The following DNAH9 variants were observed in gnomAD, a reference collection of about 807,000 sequenced individuals.
DNAH9 encodes the protein DNAH9 variant protein.
DNAH9 carries 345 observed loss-of-function variants against 471.6 expected under a neutral mutation model. That is an observed-to-expected ratio of 0.73 (90% CI 0.67 to 0.80). DNAH9 has a LOEUF of 0.80. Among genes scored for constraint, DNAH9 ranks in the 30% least tolerant of loss-of-function variants. The pLI is 0.00. For missense variants in DNAH9, 5,407 were observed against 5,609.2 expected (o/e 0.96, Z 1.15); for synonymous variants, 2,093 against 2,123.6 (o/e 0.99, Z 0.40).
chr17:11,832,454 A>G lies in DNAH9; in HGVS notation c.9247-2184A>G, dbSNP rs556454785. Reference sequence around the variant, plus strand: ...TGCCGCTCAATCATTTTGATTTACAATTGCATCTTTGTCCCTGTAGAAATA... The same window carrying G: ...TGCCGCTCAATCATTTTGATTTACAGTTGCATCTTTGTCCCTGTAGAAATA... On this transcript the variant is annotated intron_variant, in intron 48 of 68. Coordinates refer to ENST00000262442, the MANE Select transcript of DNAH9 (RefSeq NM_001372.4). Among the ~76,000 whole-genome samples, 5 of 152,342 alleles carry G rather than the reference A, an allele frequency of 3.3e-5. No homozygotes were observed. In the East Asian group the frequency reaches 9.6e-4, roughly 29 times the overall value.
intron 17 of DNAH9, among the ~76,000 whole-genome samples, chr17:11,677,322 A>G (rs2074064273): frequency 6.6e-6 from 1 of 152,114 alleles, no homozygotes; most frequent in Non-Finnish European, 1.5e-5. Flanking sequence ...TTTTAAGGTT[A>G]TGTTATAGGC....
At chr17:11,748,543 G>A (rs1225157108) in intron 32 of DNAH9, among the ~76,000 whole-genome samples, 8 of 152,108 alleles carry the variant, frequency 5.3e-5, no homozygotes, top group African/African-American at 1.9e-4. Context: ...CAGTGATGGG[G>A]AAGCTGCATG....
intron 19 of DNAH9, among the ~76,000 whole-genome samples, chr17:11,682,215 T>G (rs2074144995): frequency 6.6e-6 from 1 of 152,018 alleles, no homozygotes; most frequent in Non-Finnish European, 1.5e-5. Flanking sequence ...CTTAACATAC[T>G]CATCTTACTC....
In DNAH9 at chr17:11,832,751, C is replaced by T. The variant is rs533911231; in HGVS notation, c.9247-1887C>T. Among the ~76,000 whole-genome samples, 3 of 152,294 alleles carry T rather than the reference C, an allele frequency of 2.0e-5. No homozygotes were observed. The South Asian group carries it at 6.2e-4, about 32-fold the overall frequency. ...TCATAAAGCACTGGAATCTGTTTGACGTGTTCCAGGAGCTCTGAAGTAACC... is the reference window on the plus strand; with the variant it reads ...TCATAAAGCACTGGAATCTGTTTGATGTGTTCCAGGAGCTCTGAAGTAACC... On this transcript the variant is annotated intron_variant, in intron 48 of 68. Transcript: ENST00000262442.
At chr17:11,786,347 TA>T (rs113473867) in intron 41 of DNAH9, among the ~76,000 whole-genome samples, 17 of 150,434 alleles carry the variant, frequency 1.1e-4, no homozygotes, top group Admixed American at 2.0e-4. Flanking sequence ...TCAGGGAGGT[TA>T]AAAAAAAAAT....
At chr17:11,872,089 GA>G (rs1355947586) in intron 52 of DNAH9, among the ~76,000 whole-genome samples, 1 of 152,104 alleles carries the variant, frequency 6.6e-6, no homozygotes, top group Non-Finnish European at 1.5e-5. Context: ...CTGAGAGATA[GA>G]AAAAGAACCA....
At chr17:11,776,969 A>G (rs1294116213) in intron 38 of DNAH9, among the ~76,000 whole-genome samples, 1 of 152,138 alleles carries the variant, frequency 6.6e-6, no homozygotes, top group Non-Finnish European at 1.5e-5. Flanking sequence ...TTACAACATA[A>G]TGGTCCGCCC....
chr17:11,734,631 C>T (rs1056696224), intron 28 of DNAH9, among the ~76,000 whole-genome samples: 3 of 152,202 alleles, frequency 2.0e-5, no homozygotes, highest in African/African-American at 7.2e-5. Context: ...GACCCAGGCT[C>T]ATCTGAGAGA....
At chr17:11,861,602 T>C (rs1273478530) in intron 50 of DNAH9, among the ~76,000 whole-genome samples, 2 of 150,240 alleles carry the variant, frequency 1.3e-5, no homozygotes, top group Non-Finnish European at 3.0e-5. Flanking sequence ...ATCGCCACAC[T>C]GACTTCCACA....
At chr17:11,676,275 C>CTTTTTTTTTTTTTTTTTTTTTTTTTTT (rs67397847) in intron 17 of DNAH9, among the ~76,000 whole-genome samples, 1 of 73,882 alleles carries the variant, frequency 1.4e-5, no homozygotes. Flanking sequence ...CATTTCTGTT[C>CTTTTTTTTTTTTTTTTTTTTTTTTTTT]TTTTTTTTTT....
intron 52 of DNAH9, among the ~76,000 whole-genome samples, chr17:11,874,535 G>A (rs1435388896): frequency 1.3e-5 from 2 of 152,118 alleles, no homozygotes; most frequent in African/African-American, 2.4e-5. Flanking sequence ...ACAGACAGGA[G>A]CAAACCCACT....
chr17:11,935,795 T>A (rs1335633449), intron 65 of DNAH9, among the ~76,000 whole-genome samples: 3 of 151,482 alleles, frequency 2.0e-5, no homozygotes, highest in African/African-American at 4.9e-5. Context: ...TTTAAAAAAA[T>A]TTCTTTAATT....
chr17:11,651,110 A>G lies in DNAH9; in HGVS notation c.2139A>G (p.Arg713=). ...AAGAAATGAGCTATCTTGAACCCAG[A>G]GAGATGAAACACATGCCTGAGACAG... ...VLKEMSYLEP[R]EMKHMPETAA... Residue 713 remains arginine (R), a synonymous_variant, in exon 13 of 69, where the codon AGA becomes AGG. Coordinates refer to ENST00000262442, the MANE Select transcript of DNAH9 (RefSeq NM_001372.4). 1 of 1,614,118 alleles carries G rather than the reference A, an allele frequency of 6.2e-7. No individual in the cohort carries two copies. The highest frequency in any genetic ancestry group is 1.1e-5 in the South Asian group (1 of 91,064).
chr17:11,910,356 A>G (rs1453119310), intron 61 of DNAH9, among the ~76,000 whole-genome samples: 1 of 152,218 alleles, frequency 6.6e-6, no homozygotes, highest in Admixed American at 6.5e-5. Flanking sequence ...AATATTTTCA[A>G]GGTTCAAACA....
intron 67 of DNAH9, among the ~76,000 whole-genome samples, chr17:11,957,621 C>CAAA (rs768834658): frequency 7.5e-5 from 11 of 146,462 alleles, no homozygotes; most frequent in African/African-American, 2.7e-4. Context: ...GCAGACAAAA[C>CAAA]AACAACAACA....
intron 32 of DNAH9, among the ~76,000 whole-genome samples, chr17:11,750,398 A>T (rs891958499): frequency 9.2e-5 from 14 of 152,204 alleles, no homozygotes; most frequent in Non-Finnish European, 1.8e-4. Flanking sequence ...AAATAAGTAC[A>T]TAAAGGAATT....
intron 49 of DNAH9, among the ~76,000 whole-genome samples, chr17:11,840,271 C>T (rs1421733165): frequency 6.6e-6 from 1 of 152,156 alleles, no homozygotes. Context: ...AACAGAAATA[C>T]ACTGTATGGT....
chr17:11,871,871 G>A (rs1972278433), intron 52 of DNAH9, 85 bp downstream of exon 52: 2 of 1,423,796 alleles, frequency 1.4e-6, no homozygotes, highest in Middle Eastern at 2.2e-4. Flanking sequence ...GCATCCTCTG[G>A]TGTCCTCCTG....
chr17:11,806,466 A>G (rs531228918), intron 43 of DNAH9, among the ~76,000 whole-genome samples: 16 of 152,260 alleles, frequency 1.1e-4, no homozygotes, highest in Non-Finnish European at 2.2e-4. Context: ...TACCAACACA[A>G]TGTTGGTATT....
Sources: allele counts gnomAD v4.1 joint callset (sites outside exome capture counted in the v4.1 genomes callset), GRCh38; gene constraint gnomAD v4.1.1; transcripts MANE v1.5; gene names NCBI Gene and HGNC (gene_info 2026-07-23, HGNC 2026-07-21).